The following TMA16 variants were observed in gnomAD, a reference collection of about 807,000 sequenced individuals.
The protein encoded by TMA16 is translation machinery associated 16 homolog.
A neutral mutation model predicts 27.1 loss-of-function variants in TMA16; 26 were observed. That is an observed-to-expected ratio of 0.96 (90% CI 0.70 to 1.33). The LOEUF is 1.33. TMA16 is among the 40% of genes most tolerant of loss of function. TMA16 has a pLI of 0.00. For missense variants in TMA16, 233 were observed against 241.4 expected, an observed-to-expected ratio of 0.97 and a Z score of 0.23; for synonymous variants, 71 against 81.9, an observed-to-expected ratio of 0.87 and a Z score of 0.72.
chr4:163,513,093 C>T (rs1322556807), intron 3 of TMA16, among the ~76,000 whole-genome samples: 1 of 152,176 alleles, frequency 6.6e-6, no homozygotes, highest in African/African-American at 2.4e-5. Context: ...ACCTACCTGT[C>T]TACACATAAC....
intron 2 of TMA16, among the ~76,000 whole-genome samples, chr4:163,507,481 C>G (rs1737734833): frequency 6.6e-6 from 1 of 152,026 alleles, no homozygotes; most frequent in Non-Finnish European, 1.5e-5. Context: ...AATGTGAGGT[C>G]TGTATATAAG....
chr4:163,517,769 A>C (rs77901820), intron 6 of TMA16, among the ~76,000 whole-genome samples: 2,533 of 152,180 alleles, frequency 0.017, 65 homozygotes, highest in African/African-American at 0.057. Context: ...TTATTTTTTT[A>C]AAAAAGAAGT....
At chr4:163,509,807 A>C (rs1314542529) in intron 2 of TMA16, among the ~76,000 whole-genome samples, 2 of 152,132 alleles carry the variant, frequency 1.3e-5, no homozygotes, top group Non-Finnish European at 2.9e-5. Context: ...ATATGATGTG[A>C]TTTTTGTTTT....
rs140046746 is a variant in TMA16, at chr4:163,515,421, G to A, written c.348G>A (p.Thr116=). ...HCSRETVIKQ[T]MERERQQFEG... The stretch of plus-strand genomic sequence containing the variant: ...CCCGGGAGACCGTCATCAAGCAGAC[G>A]ATGGAGCGGGAGCGACAGCAGTTTG... Residue 116 remains threonine (T), a synonymous_variant, in exon 5 of 7, where the codon ACG becomes ACA. Coordinates refer to ENST00000358572, the MANE Select transcript of TMA16 (RefSeq NM_018352.3). 36 of 1,614,054 alleles carry A rather than the reference G, an allele frequency of 2.2e-5. No homozygotes were observed. The highest frequency in any genetic ancestry group is 1.6e-4 in the East Asian group (7 of 44,858).
intron 1 of TMA16, among the ~76,000 whole-genome samples, chr4:163,506,159 A>C (rs949870522): frequency 6.6e-6 from 1 of 152,166 alleles, no homozygotes; most frequent in Non-Finnish European, 1.5e-5. Flanking sequence ...TTCCTACTTC[A>C]TACTGGCTTG....
Position 163,507,121 on chromosome 4 carries a change from C to T in TMA16, c.92C>T (p.Ala31Val). The change falls in exon 2 of 7, where the codon GCC (alanine) becomes GTC (valine). Residue 31 changes from alanine (A) to valine (V), a missense_variant. Transcript: ENST00000358572. ...SRKAAQITRE[A>V]HKQEKKEKLK... ...AAAGCAGCTCAAATTACGAGAGAGG[C>T]CCACAAACAAGAAAAAAAGGAAAAG... 6.3e-7 allele frequency: 1 copy of T among 1,584,216 alleles called. No individual in the cohort carries two copies. Among genetic ancestry groups the T allele is most frequent in the Non-Finnish European group, 8.6e-7 (1 of 1,163,790 alleles).
At chr4:163,515,529 A>C (rs970688399) in intron 5 of TMA16, 68 bp downstream of exon 5, 6 of 1,430,962 alleles carry the variant, frequency 4.2e-6, no homozygotes, top group Non-Finnish European at 4.6e-6. Flanking sequence ...TTGATTTCAA[A>C]GGTTTTATTT....
chr4:163,508,423 T>G (rs1311220844), intron 2 of TMA16, among the ~76,000 whole-genome samples: 3 of 152,190 alleles, frequency 2.0e-5, no homozygotes, highest in Non-Finnish European at 4.4e-5. Flanking sequence ...ATTATTTATT[T>G]TCCCTTAAGT....
intron 6 of TMA16, among the ~76,000 whole-genome samples, chr4:163,518,958 T>C (rs2110817002): frequency 6.6e-6 from 1 of 152,254 alleles, no homozygotes; most frequent in Non-Finnish European, 1.5e-5. Context: ...ATTAATACAA[T>C]ACTGAGGTTG....
chr4:163,518,351 C>A (rs556806361), intron 6 of TMA16, among the ~76,000 whole-genome samples: 2 of 152,272 alleles, frequency 1.3e-5, no homozygotes, highest in South Asian at 4.1e-4. Flanking sequence ...GCTAAGTCCT[C>A]AAGCAATTGC....
intron 2 of TMA16, among the ~76,000 whole-genome samples, chr4:163,509,483 G>A (rs937748478): frequency 6.6e-6 from 1 of 152,122 alleles, no homozygotes; most frequent in African/African-American, 2.4e-5. Flanking sequence ...TAGGAATCCC[G>A]TTGCCACTTA....
intron 2 of TMA16, among the ~76,000 whole-genome samples, chr4:163,510,038 C>T (rs1466260575): frequency 1.3e-5 from 2 of 152,044 alleles, no homozygotes; most frequent in Admixed American, 6.5e-5. Flanking sequence ...TTAAATAATT[C>T]TCACATCTCT....
chr4:163,495,472 A>G (rs1166327272), intron 1 of TMA16, among the ~76,000 whole-genome samples: 2 of 152,246 alleles, frequency 1.3e-5, no homozygotes, highest in Non-Finnish European at 2.9e-5. Context: ...CTTAAGAAGC[A>G]AACATTATCT....
At chr4:163,495,042 C>T (rs1383204098) in intron 1 of TMA16, among the ~76,000 whole-genome samples, 1 of 152,162 alleles carries the variant, frequency 6.6e-6, no homozygotes, top group East Asian at 1.9e-4. Flanking sequence ...TCGCCTTGCT[C>T]CTCTTTGCCT....
rs1737944338 is a variant in TMA16 at position 163,519,963 on chromosome 4, C to T, written c.*449C>T. The stretch of plus-strand genomic sequence containing the variant: ...CTAATGCTTCTTTTAAACATTAAAC[C>T]TATTTTCCTTTTTTACAGAATAAGG... On this transcript the variant is annotated 3_prime_UTR_variant, in exon 7 of 7. Coordinates refer to ENST00000358572, the MANE Select transcript of TMA16 (RefSeq NM_018352.3). The T allele has an allele frequency of 3.4e-6, 2 of 595,366 alleles. No individual in the cohort carries two copies. The highest frequency in any genetic ancestry group is 6.1e-6 in the Non-Finnish European group (2 of 328,298). The allele number at this position is 595,366 out of a possible 1,614,324, so 36.9% of individuals were successfully genotyped here.
intron 3 of TMA16, among the ~76,000 whole-genome samples, 164 bp from the exon 4 acceptor site, chr4:163,513,910 C>T (rs1235800773): frequency 6.6e-6 from 1 of 152,166 alleles, no homozygotes; most frequent in Non-Finnish European, 1.5e-5. Context: ...TAATTTGTGA[C>T]AGACTGGTTT....
Position 163,519,624 on chromosome 4 carries a change from A to C in TMA16, c.*110A>C. On this transcript the variant is annotated 3_prime_UTR_variant, in exon 7 of 7. Coordinates refer to ENST00000358572, the MANE Select transcript of TMA16 (RefSeq NM_018352.3). Reference sequence around the variant, plus strand: ...AAATTTGATACTGACATTCTCTTATATGATGAGAGTTTCATTTGCGTTTCA... The same window carrying C: ...AAATTTGATACTGACATTCTCTTATCTGATGAGAGTTTCATTTGCGTTTCA... The C allele has an allele frequency of 9.6e-7, 1 of 1,040,846 alleles. No homozygotes were observed. Among genetic ancestry groups the C allele is most frequent in the Non-Finnish European group, 1.4e-6 (1 of 739,320 alleles). 64.5% of individuals were successfully genotyped at this position (1,040,846 alleles called of 1,614,324 possible).
chr4:163,517,193 C>T (rs1056307332), intron 5 of TMA16: 19 of 460,246 alleles, frequency 4.1e-5, no homozygotes, highest in Non-Finnish European at 5.8e-5. Flanking sequence ...TGAGCCACCG[C>T]GCCTGGCCTA....
intron 1 of TMA16, among the ~76,000 whole-genome samples, chr4:163,498,076 T>A (rs899799511): frequency 6.6e-6 from 1 of 152,178 alleles, no homozygotes; most frequent in Non-Finnish European, 1.5e-5. Flanking sequence ...TGTAAGTACA[T>A]ATAGATCCAC....
Sources: allele counts gnomAD v4.1 joint callset (sites outside exome capture counted in the v4.1 genomes callset), GRCh38; gene constraint gnomAD v4.1.1; transcripts MANE v1.5; gene names NCBI Gene and HGNC (gene_info 2026-07-23, HGNC 2026-07-21).